The following HAP1 variants were observed in gnomAD, a reference collection of about 807,000 sequenced individuals.
The protein encoded by HAP1 is huntingtin-associated protein 1.
A neutral mutation model predicts 60.3 loss-of-function variants in HAP1; 59 were observed. That is an observed-to-expected ratio of 0.98 (90% CI 0.79 to 1.22). HAP1 has a LOEUF of 1.22. Ranked by LOEUF, HAP1 falls within the 50% of genes most tolerant of loss-of-function variation. HAP1 has a pLI of 0.00. For missense variants in HAP1, 825 were observed against 785.3 expected (o/e 1.05, Z -0.60); for synonymous variants, 346 against 330.6 (o/e 1.05, Z -0.50).
chr17:41,734,409 C>G lies in HAP1; in HGVS notation c.226G>C (p.Ala76Pro). Reference protein sequence around the residue: ...TGARPASEAGAKAGARRPSAF... With the variant: ...TGARPASEAGPKAGARRPSAF... ...GACGGGCGCCGGGCTCCTGCCTTGG[C>G]TCCAGCCTCCGAGGCCGGGCGAGCT... is the stretch of plus-strand genomic sequence containing the variant. The change falls in exon 1 of 11, where the codon GCC becomes CCC. Residue 76 changes from alanine (A) to proline (P), a missense_variant. Transcript: ENST00000347901. The G allele has an allele frequency of 6.2e-7, 1 of 1,607,970 alleles. No homozygotes were observed. The highest frequency in any genetic ancestry group is 8.5e-7 in the Non-Finnish European group (1 of 1,176,184).
In HAP1 at chr17:41,723,136, T is replaced by G. The variant is rs1183972168; in HGVS notation, c.*1565A>C. Reference sequence around the variant, plus strand: ...CTCACAACTCCCTGCCGGTGGAAGCTGGGCCCTGTTCCCTGCTCAGGGCTG... The same window carrying G: ...CTCACAACTCCCTGCCGGTGGAAGCGGGGCCCTGTTCCCTGCTCAGGGCTG... On this transcript the variant is annotated 3_prime_UTR_variant, in exon 11 of 11. Transcript: ENST00000347901. The G allele has an allele frequency of 6.6e-6, 1 of 152,320 alleles. No individual in the cohort carries two copies. Among genetic ancestry groups the G allele is most frequent in the Admixed American group, 6.5e-5 (1 of 15,268 alleles). The allele number at this position is 152,320 out of a possible 1,614,324, so 9.4% of individuals were successfully genotyped here. A position where few individuals can be genotyped will look rare whatever the true frequency, so the allele number is the denominator to read the frequency against.
chr17:41,728,122 G>A (rs1555589473), intron 7 of HAP1, 79 bp downstream of exon 7: 1 of 1,522,354 alleles, frequency 6.6e-7, no homozygotes, highest in Admixed American at 1.7e-5. Context: ...AGGCCTGGTG[G>A]AGCCGAGTGG....
At position 41,727,097 on chromosome 17, in the gene HAP1, C is replaced by T. The variant is rs782470877; in HGVS notation, c.1323G>A (p.Thr441=). ...GGTCTGAGATCATCCTCCTTAGAGACGTTCTGAGCTCCTCAGCCAGCGTCT... is the reference window on the plus strand; with the variant it reads ...GGTCTGAGATCATCCTCCTTAGAGATGTTCTGAGCTCCTCAGCCAGCGTCT... The part of the protein sequence containing the change: ...FQETLAEELR[T]SLRRMISDPV... Residue 441 remains threonine, a synonymous_variant, in exon 9 of 11, where the codon ACG becomes ACA. Coordinates refer to ENST00000347901, the MANE Select transcript of HAP1 (RefSeq NM_177977.3). The T allele has an allele frequency of 1.1e-4, 181 of 1,593,162 alleles. No individual in the cohort carries two copies. The highest frequency in any genetic ancestry group is 1.4e-4 in the Non-Finnish European group (159 of 1,166,198).
downstream of HAP1, chr17:41,717,836 A>G (rs1267864589): frequency 5.6e-6 from 2 of 356,710 alleles, no homozygotes; most frequent in African/African-American, 2.1e-5. Flanking sequence ...GGTGGCAAGA[A>G]TAGGAGGAAC....
At chr17:41,727,275 G>A (rs1555589124) in intron 8 of HAP1, 131 bp from the exon 9 acceptor site, 2 of 782,306 alleles carry the variant, frequency 2.6e-6, no homozygotes, top group Non-Finnish European at 4.8e-6. Flanking sequence ...TAGGAAAGTG[G>A]GCAGCCAGGG....
At chr17:41,732,844 A>G in intron 1 of HAP1, 46 bp from the exon 2 acceptor site, 1 of 1,075,510 alleles carries the variant, frequency 9.3e-7, no homozygotes, top group Non-Finnish European at 1.4e-6. Context: ...CCAGGTCAGG[A>G]AAAAGGAGCA....
Position 41,734,271 on chromosome 17 carries a change from T to C in HAP1, c.364A>G (p.Thr122Ala), listed in dbSNP as rs782153503. 1.9e-6 allele frequency: 3 copies of C among 1,606,848 alleles called. No individual in the cohort carries two copies. In the Admixed American group the frequency reaches 5.0e-5, roughly 27 times the overall value. ...TTCCAGATGCCCGCTGCCTTTCCAG[T>C]CCCCCGGCCAGTGGCCCGGGAACCA... is the stretch of plus-strand genomic sequence containing the variant. ...PFGSRATGRG[T>A]GKAAGIWKTP... The change falls in exon 1 of 11, where the codon ACT (threonine) becomes GCT (alanine). Residue 122 changes from threonine to alanine, a missense_variant. Physicochemically the swap from Thr to Ala is moderately conservative, Grantham distance 58 (BLOSUM62 0). Transcript: ENST00000347901.
chr17:41,726,965 G>A (rs1431857005), intron 9 of HAP1, 88 bp downstream of exon 9: 2 of 684,384 alleles, frequency 2.9e-6, no homozygotes, highest in South Asian at 1.7e-5. Flanking sequence ...ATAGGGAAGC[G>A]TGGAAGGTCA....
chr17:41,734,137 C>G lies in HAP1; in HGVS notation c.469+29G>C, dbSNP rs782283286. On this transcript the variant is annotated intron_variant, in intron 1 of 10. Transcript: ENST00000347901. ...CCCTGGAGTTGCCCCAGTCCCCACC[C>G]GGTCCAGGACCCCGGGGGCCCGATT... 3.0e-5 allele frequency: 46 copies of G among 1,529,452 alleles called. No homozygotes were observed. In the South Asian group the frequency reaches 4.8e-4, roughly 16 times the overall value. The allele number at this position is 1,529,452 out of a possible 1,614,324, so 94.7% of individuals were successfully genotyped here.
At chr17:41,726,134 G>T (rs1332926858) in intron 9 of HAP1, among the ~76,000 whole-genome samples, 1 of 152,170 alleles carries the variant, frequency 6.6e-6, no homozygotes, top group African/African-American at 2.4e-5. Flanking sequence ...GCTGGGCTTG[G>T]CCAGGTGCAG....
intron 7 of HAP1, 126 bp from the exon 8 acceptor site, chr17:41,727,962 C>G: frequency 2.8e-6 from 2 of 717,296 alleles, no homozygotes; most frequent in Non-Finnish European, 4.8e-6. Flanking sequence ...ACAAGTCACA[C>G]GGAAGGAGGG....
chr17:41,731,480 C>A lies in HAP1; in HGVS notation c.1069+13G>T. 1 of 1,584,640 alleles carries A rather than the reference C, an allele frequency of 6.3e-7. No individual in the cohort carries two copies. The highest frequency in any genetic ancestry group is 8.7e-7 in the Non-Finnish European group (1 of 1,153,144). ...TGGGACAACCCCCCACCCCGAGTGA[C>A]AACATTACGTACAAAACTGCTCCAC... On this transcript the variant is annotated intron_variant, in intron 6 of 10. Transcript: ENST00000347901.
intron 1 of HAP1, among the ~76,000 whole-genome samples, chr17:41,733,355 T>TG: frequency 7.5e-6 from 1 of 132,862 alleles, no homozygotes; most frequent in South Asian, 2.6e-4. Context: ...CGCCCGGCTT[T>TG]TTTTTTTTTT....
chr17:41,734,625 T>G lies in HAP1; in HGVS notation c.10A>C (p.Lys4Gln). Residue 4 changes from lysine to glutamine, a missense_variant, in exon 1 of 11, where the codon AAG becomes CAG. Coordinates refer to ENST00000347901, the MANE Select transcript of HAP1 (RefSeq NM_177977.3). ...CCCGCGCAGCACCGGCCCAACCTCT[T>G]CGGGCGCATCTCGAGTCTGCCGTCC... is the stretch of plus-strand genomic sequence containing the variant. MRP[K>Q]RLGRCCAGSR... 1.3e-6 allele frequency: 2 copies of G among 1,514,120 alleles called. No individual in the cohort carries two copies. Among genetic ancestry groups the G allele is most frequent in the East Asian group, 2.4e-5 (1 of 42,186 alleles). The allele number at this position is 1,514,120 out of a possible 1,614,324, so 93.8% of individuals were successfully genotyped here. A position where few individuals can be genotyped will look rare whatever the true frequency, so the allele number is the denominator to read the frequency against.
intron 10 of HAP1, 88 bp from the exon 11 acceptor site, chr17:41,725,242 G>A: frequency 9.5e-7 from 1 of 1,056,718 alleles, no homozygotes; most frequent in Non-Finnish European, 1.3e-6. Flanking sequence ...AGATCCTGAT[G>A]GTTCCTCCTG....
chr17:41,731,518 G>A lies in HAP1; in HGVS notation c.1044C>T (p.Leu348=), dbSNP rs116828637. 3,858 of 1,612,254 alleles carry A rather than the reference G, an allele frequency of 2.4e-3. 82 individuals are homozygous for A. The African/African-American group carries it at 0.04, about 17-fold the overall frequency. ...LDTLEDEEQM[L]ILECVEQFSE... is the part of the protein sequence containing the mutation. ...AAAACTGCTCCACACACTCCAGAAT[G>A]AGCATCTGTTCCTCATCCTCAAGAG... The change falls in exon 6 of 11, where the codon CTC becomes CTT. Residue 348 remains leucine, a synonymous_variant. Transcript: ENST00000347901.
chr17:41,733,389 G>A (rs9902145), intron 1 of HAP1, among the ~76,000 whole-genome samples: 1 of 133,906 alleles, frequency 7.5e-6, no homozygotes, highest in Non-Finnish European at 1.6e-5. Context: ...CCCTGGAGGA[G>A]CCTGAGGTAA....
At chr17:41,719,192 CT>C (rs1911099204), downstream of HAP1, among the ~76,000 whole-genome samples, 1 of 151,928 alleles carries the variant, frequency 6.6e-6, no homozygotes, top group South Asian at 2.1e-4. Context: ...GTTGTCTAGG[CT>C]GGTCCTGAAC....
downstream of HAP1, among the ~76,000 whole-genome samples, chr17:41,720,010 G>A (rs1419215230): frequency 6.8e-6 from 1 of 147,122 alleles, no homozygotes; most frequent in Non-Finnish European, 1.5e-5. Context: ...CTGCCTCAGC[G>A]TCCCAAGTAG....
Sources: allele counts gnomAD v4.1 joint callset (sites outside exome capture counted in the v4.1 genomes callset), GRCh38; gene constraint gnomAD v4.1.1; transcripts MANE v1.5; gene names NCBI Gene and HGNC (gene_info 2026-07-23, HGNC 2026-07-21).